TSHZ3: variants seen among roughly 807,000 people sequenced by gnomAD.
TSHZ3 encodes teashirt zinc finger homeobox 3.
In TSHZ3, 10 loss-of-function variants were observed where a neutral mutation model predicts 64.5. That is an observed-to-expected ratio of 0.16 (90% CI 0.10 to 0.26). The LOEUF is 0.26. TSHZ3 is among the 10% of genes least tolerant of loss of function. TSHZ3 has a pLI of 1.00. For synonymous variants in TSHZ3, 608 were observed against 593.1 expected, an observed-to-expected ratio of 1.03 and a Z score of -0.36; for missense variants, 1,242 against 1,421.7, an observed-to-expected ratio of 0.87 and a Z score of 2.03.
chr19:31,190,672 A>G (rs1436778480), intron 5 of TSHZ3, among the ~76,000 whole-genome samples: 1 of 152,204 alleles, frequency 6.6e-6, no homozygotes, highest in Non-Finnish European at 1.5e-5. Flanking sequence ...GCAAAGAAAG[A>G]ATATTTTACC....
intron 4 of TSHZ3, among the ~76,000 whole-genome samples, chr19:31,218,411 G>A (rs554579180): frequency 7.9e-5 from 12 of 152,204 alleles, no homozygotes; most frequent in African/African-American, 1.9e-4. Context: ...CTAAATGCTG[G>A]CAAGGATGTG....
chr19:31,220,564 C>T (rs983162764), intron 4 of TSHZ3, among the ~76,000 whole-genome samples: 4 of 152,104 alleles, frequency 2.6e-5, no homozygotes, highest in Non-Finnish European at 5.9e-5. Context: ...TTCTTTGTCT[C>T]TCATTTTTAT....
chr19:31,260,935 G>A (rs1296338666), intron 1 of TSHZ3, among the ~76,000 whole-genome samples: 1 of 152,196 alleles, frequency 6.6e-6, no homozygotes, highest in Non-Finnish European at 1.5e-5. Context: ...AGCACCTTCT[G>A]TGTGCCAAGC....
At chr19:31,236,088 G>T (rs897958433) in intron 3 of TSHZ3, among the ~76,000 whole-genome samples, 127 of 152,276 alleles carry the variant, frequency 8.3e-4, no homozygotes, top group African/African-American at 2.6e-3. Flanking sequence ...CTACATGGGG[G>T]TGCAGATATC....
intron 5 of TSHZ3, among the ~76,000 whole-genome samples, chr19:31,186,335 T>C (rs1974809772): frequency 1.3e-5 from 2 of 152,170 alleles, no homozygotes; most frequent in African/African-American, 4.8e-5. Context: ...TGGTGGAAGG[T>C]AATAGAATCA....
intron 1 of TSHZ3, among the ~76,000 whole-genome samples, chr19:31,302,141 G>A (rs1976767468): frequency 6.6e-6 from 1 of 152,186 alleles, no homozygotes; most frequent in Non-Finnish European, 1.5e-5. Context: ...CCATGGTGCT[G>A]AGCCATCTGA....
At chr19:31,285,426 G>C (rs568372681) in intron 1 of TSHZ3, among the ~76,000 whole-genome samples, 1 of 149,786 alleles carries the variant, frequency 6.7e-6, no homozygotes, top group Admixed American at 6.7e-5. Context: ...GCTGCAGCGA[G>C]TTAGGATCAC....
At chr19:31,207,774 T>A (rs1975203603) in intron 4 of TSHZ3, 1 of 152,204 alleles carries the variant, frequency 6.6e-6, no homozygotes, top group Non-Finnish European at 1.5e-5. Flanking sequence ...TGCACTTGTG[T>A]TTTTATATAC....
intron 1 of TSHZ3, among the ~76,000 whole-genome samples, chr19:31,264,354 C>T (rs1976020619): frequency 6.6e-6 from 1 of 152,232 alleles, no homozygotes; most frequent in African/African-American, 2.4e-5. Context: ...CAGTGGCCTA[C>T]AGTGGCAGCT....
intron 5 of TSHZ3, among the ~76,000 whole-genome samples, chr19:31,168,717 T>G (rs1568335334): frequency 6.6e-6 from 1 of 152,228 alleles, no homozygotes; most frequent in South Asian, 2.1e-4. Context: ...AAAGCCAATG[T>G]CTTTCATTCC....
Position 31,277,754 on chromosome 19 carries a change from T to C in TSHZ3, c.2039A>G (p.Asp680Gly). The C allele has an allele frequency of 6.5e-7, 1 of 1,529,824 alleles. No homozygotes were observed. The highest frequency in any genetic ancestry group is 1.8e-4 in the Middle Eastern group (1 of 5,628). 94.8% of individuals were successfully genotyped at this position (1,529,824 alleles called of 1,614,324 possible). ...SPSPPRDGCK[D>G]GSPLAEPVEN... ...CACCGGCTCAGCGAGGGGGCTCCCA[T>C]CCTTGCACCCATCCCGCGGGGGGCT... The change falls in exon 2 of 2, where the codon GAT becomes GGT. Residue 680 changes from aspartate (D) to glycine (G), a missense_variant. By Grantham distance (94) the Asp-to-Gly change is moderately conservative. This residue lies in a region of TSHZ3 where 550 missense variants were observed against 545.1 expected (regional missense o/e 1.01). Transcript: ENST00000240587. The surrounding 1 kb of genome is among the most constrained non-coding windows in gnomAD (Gnocchi z 4.5).
chr19:31,263,543 C>A (rs1368185356), intron 1 of TSHZ3, among the ~76,000 whole-genome samples: 1 of 152,204 alleles, frequency 6.6e-6, no homozygotes, highest in Non-Finnish European at 1.5e-5. Context: ...GCAAGACGTG[C>A]CCTGTGGCAA....
intron 4 of TSHZ3, among the ~76,000 whole-genome samples, chr19:31,214,133 C>T (rs1428309752): frequency 6.6e-6 from 1 of 152,160 alleles, no homozygotes; most frequent in Non-Finnish European, 1.5e-5. Context: ...TGAACAAACC[C>T]GGGTAAGTTT....
intron 5 of TSHZ3, among the ~76,000 whole-genome samples, chr19:31,185,354 C>A (rs1038607688): frequency 6.6e-6 from 1 of 152,236 alleles, no homozygotes; most frequent in African/African-American, 2.4e-5. Flanking sequence ...CACCTTCAAG[C>A]TCCCCAACCC....
intron 6 of TSHZ3, among the ~76,000 whole-genome samples, chr19:31,155,305 A>G (rs1423210161): frequency 2.0e-5 from 3 of 152,184 alleles, no homozygotes; most frequent in Non-Finnish European, 4.4e-5. Context: ...ACCCCTTCCG[A>G]CAGGGAGCAG....
rs3030229 is a variant in TSHZ3 at position 31,226,977 on chromosome 19, C to CTTTTTTTTTTTTTTT, written n.686+1013_686+1027dup. ...TTTTCTTCTCTTTCTTTCTTTCTTT[C>CTTTTTTTTTTTTTTT]TTTTTTTTTTTTTTTTTTTGAGATG... On this transcript the variant is annotated intron_variant and non_coding_transcript_variant, in intron 4 of 6. Coordinates refer to the TSHZ3 transcript ENST00000651361. Among the ~76,000 whole-genome samples, 214 of 65,642 alleles carry CTTTTTTTTTTTTTTT rather than the reference C, an allele frequency of 3.3e-3. 6 individuals are homozygous for CTTTTTTTTTTTTTTT. Among genetic ancestry groups the CTTTTTTTTTTTTTTT allele is most frequent in the East Asian group, 6.5e-3 (15 of 2,304 alleles). The allele number at this position is 65,642 out of a possible 152,430, so 43.1% of individuals were successfully genotyped here.
chr19:31,207,912 C>T (rs564852682), intron 4 of TSHZ3, among the ~76,000 whole-genome samples: 2 of 152,290 alleles, frequency 1.3e-5, no homozygotes, highest in South Asian at 2.1e-4. Context: ...ATGGGACAAG[C>T]TATCTTGATG....
intron 1 of TSHZ3, among the ~76,000 whole-genome samples, chr19:31,319,369 G>A (rs1242110999): frequency 6.6e-6 from 1 of 152,144 alleles, no homozygotes; most frequent in Non-Finnish European, 1.5e-5. Context: ...AATAAACATT[G>A]TAAAGGTTTC....
intron 1 of TSHZ3, among the ~76,000 whole-genome samples, chr19:31,328,210 G>C (rs73927351): frequency 0.01 from 1,564 of 152,326 alleles, 27 homozygotes; most frequent in African/African-American, 0.035. Flanking sequence ...CCAAAACCAA[G>C]GCACCTTTGC....
Sources: allele counts gnomAD v4.1 joint callset (sites outside exome capture counted in the v4.1 genomes callset), GRCh38; gene constraint gnomAD v4.1.1; regional missense constraint gnomAD v4.1.1; non-coding constraint Gnocchi (gnomAD v3.1); transcripts MANE v1.5; gene names NCBI Gene and HGNC (gene_info 2026-07-23, HGNC 2026-07-21).